The following SYNE2 variants were observed in gnomAD, a reference collection of about 807,000 sequenced individuals.
The protein encoded by SYNE2 is spectrin repeat containing nuclear envelope protein 2.
Under a neutral mutation model 856.3 loss-of-function variants are expected in SYNE2, and 431 were observed. The observed-to-expected ratio is 0.50, with a 90% CI of 0.47 to 0.55. The LOEUF (loss-of-function observed/expected upper bound fraction) is 0.55. SYNE2 is among the 20% of genes least tolerant of loss of function. The pLI, the probability that SYNE2 is intolerant of heterozygous loss-of-function variation, is 0.00. For synonymous variants in SYNE2, 2,923 were observed against 2,872.3 expected (o/e 1.02, Z -0.56); for missense variants, 8,129 against 8,023.2 (o/e 1.01, Z -0.50).
At chr14:63,929,731 G>A (rs969957895) in intron 2 of SYNE2, among the ~76,000 whole-genome samples, 4 of 150,162 alleles carry the variant, frequency 2.7e-5, no homozygotes, top group Admixed American at 6.7e-5. Context: ...AGATCGCGCC[G>A]TTGCACTCTG....
Position 63,977,268 on chromosome 14 carries a change from A to G in SYNE2, c.1293+541A>G, listed in dbSNP as rs538199103. On this transcript the variant is annotated intron_variant, in intron 12 of 115. Transcript: ENST00000555002. The stretch of plus-strand genomic sequence containing the variant: ...TGCTCTGTCGTCCAGGCTGGAGTGC[A>G]GTGGCGCGATCTTGGCTCACTGCAA... Among the ~76,000 whole-genome samples, 3 of 152,140 alleles carry G rather than the reference A, an allele frequency of 2.0e-5. No individual in the cohort carries two copies. The East Asian group carries it at 5.8e-4, about 29-fold the overall frequency.
At chr14:64,200,012 A>G (rs1338889671) in intron 99 of SYNE2, among the ~76,000 whole-genome samples, 1 of 151,922 alleles carries the variant, frequency 6.6e-6, no homozygotes, top group African/African-American at 2.4e-5. Flanking sequence ...TTGCACACCT[A>G]ACCCCCAGGG....
chr14:63,893,965 T>C (rs1005239989), intron 1 of SYNE2, among the ~76,000 whole-genome samples: 1 of 152,208 alleles, frequency 6.6e-6, no homozygotes, highest in Non-Finnish European at 1.5e-5. Context: ...AGATTATTCC[T>C]GGAGTAGGGA....
In SYNE2 at chr14:64,219,096, G is replaced by GTT. The variant is rs1214967482; in HGVS notation, c.19658-106_19658-105dup. On this transcript the variant is annotated intron_variant, in intron 109 of 115. Transcript: ENST00000555002. ...CCTTCTGTCAGGGGAATCCCCTACAGTTTTTTTGTTTTTTTTTTTTTTTTT... is the reference window on the plus strand; with the variant it reads ...CCTTCTGTCAGGGGAATCCCCTACAGTTTTTTTTTGTTTTTTTTTTTTTTTTT... 1.8e-3 allele frequency: 1,379 copies of GTT among 756,348 alleles called. 6 individuals carry two copies. Among genetic ancestry groups the GTT allele is most frequent in the South Asian group, 5.0e-3 (288 of 57,726 alleles). 46.9% of individuals were successfully genotyped at this position (756,348 alleles called of 1,614,324 possible).
chr14:63,831,556 T>C (rs982438349), intron 1 of SYNE2, among the ~76,000 whole-genome samples: 163 of 135,974 alleles, frequency 1.2e-3, no homozygotes, highest in Non-Finnish European at 2.0e-3. Context: ...ATTCTTTTTT[T>C]TTTTTTTTTT....
intron 1 of SYNE2, among the ~76,000 whole-genome samples, chr14:63,884,877 T>G (rs1198881129): frequency 6.6e-6 from 1 of 152,122 alleles, no homozygotes; most frequent in East Asian, 1.9e-4. Flanking sequence ...CCTGACCTTG[T>G]GATCCGCCCG....
rs10666086 is a variant in SYNE2 at position 63,940,070 on chromosome 14, A to ATTTT, written c.80-529_80-526dup. Among the ~76,000 whole-genome samples the ATTTT allele has an allele frequency of 5.8e-3, 755 of 129,328 alleles. 23 individuals are homozygous for ATTTT. The highest frequency in any genetic ancestry group is 0.025 in the South Asian group (98 of 3,960). 84.8% of individuals were successfully genotyped at this position (129,328 alleles called of 152,430 possible). On this transcript the variant is annotated intron_variant, in intron 2 of 115. Coordinates refer to ENST00000555002, the MANE Select transcript of SYNE2 (RefSeq NM_182914.3). ...TCAAGGTGGTATAGGGTCTCAGTTC[A>ATTTT]TTTTTTTTTTTTTTTTTTCTTTCAT...
intron 11 of SYNE2, among the ~76,000 whole-genome samples, chr14:63,976,094 A>G (rs969679742): frequency 6.6e-6 from 1 of 152,186 alleles, no homozygotes; most frequent in Non-Finnish European, 1.5e-5. Flanking sequence ...TTCGTGAAGG[A>G]CAGATATTCG....
At chr14:63,850,589 A>C (rs949132993), upstream of SYNE2, among the ~76,000 whole-genome samples, 4 of 152,082 alleles carry the variant, frequency 2.6e-5, no homozygotes, top group Non-Finnish European at 4.4e-5. Flanking sequence ...TTATCACTTC[A>C]AAGTACAGAG....
At chr14:64,072,732 T>C (rs900164075) in intron 52 of SYNE2, among the ~76,000 whole-genome samples, 1 of 152,116 alleles carries the variant, frequency 6.6e-6, no homozygotes, top group African/African-American at 2.4e-5. Context: ...AACGCCTGAC[T>C]TCAGGTCATC....
chr14:63,833,500 C>A (rs911069822), intron 1 of SYNE2, among the ~76,000 whole-genome samples: 3 of 152,050 alleles, frequency 2.0e-5, no homozygotes, highest in Non-Finnish European at 4.4e-5. Flanking sequence ...ACAAGCAGAC[C>A]GCTGATTAAC....
chr14:64,155,039 G>A (rs1241537641), intron 85 of SYNE2, among the ~76,000 whole-genome samples: 6 of 152,090 alleles, frequency 3.9e-5, no homozygotes, highest in African/African-American at 1.4e-4. Context: ...CGGGTTCCAT[G>A]GAGTTGGAAA....
At chr14:63,896,159 A>G (rs2095249468) in intron 1 of SYNE2, among the ~76,000 whole-genome samples, 1 of 152,214 alleles carries the variant, frequency 6.6e-6, no homozygotes, top group South Asian at 2.1e-4. Flanking sequence ...TCATTAAATT[A>G]AAAGAATAGA....
At chr14:63,811,062 C>T (rs1326435381) in intron 1 of SYNE2, among the ~76,000 whole-genome samples, 1 of 152,106 alleles carries the variant, frequency 6.6e-6, no homozygotes, top group East Asian at 1.9e-4. Flanking sequence ...TTCTTGATCT[C>T]CTGACCTCGT....
chr14:64,013,219 A>G (rs2153520903), intron 32 of SYNE2, among the ~76,000 whole-genome samples: 1 of 152,282 alleles, frequency 6.6e-6, no homozygotes, highest in Non-Finnish European at 1.5e-5. Context: ...CTTTGCAGGC[A>G]AAAAAATTTA....
intron 61 of SYNE2, among the ~76,000 whole-genome samples, chr14:64,097,655 A>G (rs892361357): frequency 5.3e-5 from 8 of 152,248 alleles, no homozygotes; most frequent in African/African-American, 1.7e-4. Context: ...CGCACACCAC[A>G]GTCACGTGTG....
intron 49 of SYNE2, among the ~76,000 whole-genome samples, chr14:64,062,174 C>G (rs117940590): frequency 6.6e-6 from 1 of 151,972 alleles, no homozygotes; most frequent in Non-Finnish European, 1.5e-5. Flanking sequence ...GTAACAAATA[C>G]TTTCTAAAAG....
Position 64,003,311 on chromosome 14 carries a change from G to C in SYNE2, c.4378G>C (p.Val1460Leu). The change falls in exon 30 of 116, where the codon GTT becomes CTT. Residue 1460 changes from valine (V) to leucine (L), a missense_variant. Val to Leu is a conservative substitution (Grantham distance 32). Around this residue, in one of 3 missense-constraint regions of SYNE2, gnomAD observed 2,422 missense variants for 2,357.4 expected, o/e 1.03. Coordinates refer to ENST00000555002, the MANE Select transcript of SYNE2 (RefSeq NM_182914.3). ...ISKIGLKDPT[V>L]PAVKHRKKSL... Reference sequence around the variant, plus strand: ...TAAAATTGGTCTTAAGGATCCTACTGTTCCAGCTGTGAAACATCGGTAAGT... The same window carrying C: ...TAAAATTGGTCTTAAGGATCCTACTCTTCCAGCTGTGAAACATCGGTAAGT... 6.2e-7 allele frequency: 1 copy of C among 1,614,070 alleles called. No homozygotes were observed. The highest frequency in any genetic ancestry group is 1.1e-5 in the South Asian group (1 of 91,074).
chr14:64,174,898 G>T, intron 94 of SYNE2, 46 bp from the exon 95 acceptor site: 1 of 1,561,982 alleles, frequency 6.4e-7, no homozygotes, highest in South Asian at 1.1e-5. Context: ...ATCACATTTT[G>T]AACACATCAG....
Sources: allele counts gnomAD v4.1 joint callset (sites outside exome capture counted in the v4.1 genomes callset), GRCh38; gene constraint gnomAD v4.1.1; regional missense constraint gnomAD v4.1.1; transcripts MANE v1.5; gene names NCBI Gene and HGNC (gene_info 2026-07-23, HGNC 2026-07-21).